Variants in PDZD8 observed in about 807,000 individuals in gnomAD.
PDZD8 encodes PDZ domain containing 8, also known as PDZ domain-containing protein 8.
Under a neutral mutation model 85.8 loss-of-function variants are expected in PDZD8, and 14 were observed. That is an observed-to-expected ratio of 0.16 (90% CI 0.11 to 0.26). The LOEUF (loss-of-function observed/expected upper bound fraction) is 0.26, where lower values mean the gene tolerates loss of function less well. Ranked by LOEUF, PDZD8 falls within the 10% of genes least tolerant of loss-of-function variation. The pLI is 1.00. For synonymous variants in PDZD8, 592 were observed against 568.6 expected (o/e 1.04, Z -0.59); for missense variants, 1,197 against 1,424.3 (o/e 0.84, Z 2.57).
chr10:117,360,085 G>A (rs1844970340), intron 1 of PDZD8, among the ~76,000 whole-genome samples: 1 of 152,040 alleles, frequency 6.6e-6, no homozygotes, highest in Admixed American at 6.6e-5. Flanking sequence ...GAATGATCAA[G>A]GTCCAAAATG....
intron 3 of PDZD8, among the ~76,000 whole-genome samples, chr10:117,317,575 C>T (rs561275884): frequency 6.6e-6 from 1 of 152,066 alleles, no homozygotes; most frequent in Non-Finnish European, 1.5e-5. Context: ...CATATCTTTG[C>T]AAATATAATA....
At chr10:117,288,591 C>T (rs528579983) in intron 4 of PDZD8, among the ~76,000 whole-genome samples, 1 of 152,252 alleles carries the variant, frequency 6.6e-6, no homozygotes, top group Admixed American at 6.5e-5. Flanking sequence ...TCACTGCAAC[C>T]TCTGCCTCCC....
intron 3 of PDZD8, among the ~76,000 whole-genome samples, chr10:117,296,417 T>G (rs1843759374): frequency 6.6e-6 from 1 of 152,100 alleles, no homozygotes; most frequent in Admixed American, 6.6e-5. Flanking sequence ...ATTGTTGAGA[T>G]GACAGTTCTT....
chr10:117,366,829 C>T (rs1845098888), intron 1 of PDZD8, among the ~76,000 whole-genome samples: 1 of 152,178 alleles, frequency 6.6e-6, no homozygotes, highest in Non-Finnish European at 1.5e-5. Context: ...ATTTCCACAT[C>T]TGTAAAACTG....
intron 1 of PDZD8, among the ~76,000 whole-genome samples, chr10:117,355,147 G>C (rs1424687501): frequency 2.0e-5 from 3 of 152,008 alleles, no homozygotes; most frequent in Non-Finnish European, 4.4e-5. Flanking sequence ...CATACACAAG[G>C]CTCCTCTATA....
intron 1 of PDZD8, among the ~76,000 whole-genome samples, chr10:117,365,135 G>T (rs967174599): frequency 8.1e-5 from 12 of 148,060 alleles, no homozygotes; most frequent in African/African-American, 2.7e-4. Context: ...AAAAAAAAAT[G>T]GCCAAAAATA....
At chr10:117,340,443 T>C (rs1320193912) in intron 2 of PDZD8, among the ~76,000 whole-genome samples, 4 of 152,192 alleles carry the variant, frequency 2.6e-5, no homozygotes, top group African/African-American at 9.7e-5. Context: ...TTAGGTCGGT[T>C]TAGCCAAAAT....
At chr10:117,327,081 C>T (rs1022603413) in intron 2 of PDZD8, among the ~76,000 whole-genome samples, 3 of 152,112 alleles carry the variant, frequency 2.0e-5, no homozygotes, top group South Asian at 2.1e-4. Flanking sequence ...TGCAGCCATC[C>T]GTGAAACGTC....
intron 1 of PDZD8, among the ~76,000 whole-genome samples, chr10:117,360,446 C>T (rs1487769137): frequency 6.6e-6 from 1 of 152,080 alleles, no homozygotes; most frequent in African/African-American, 2.4e-5. Context: ...CTGTTCTTCT[C>T]TACCAGCCCC....
At chr10:117,316,490 T>C (rs1018356195) in intron 3 of PDZD8, among the ~76,000 whole-genome samples, 2 of 151,952 alleles carry the variant, frequency 1.3e-5, no homozygotes, top group African/African-American at 2.4e-5. Flanking sequence ...CTGGCTAAGA[T>C]AGAAAGACCC....
At chr10:117,320,472 T>G (rs537500326) in intron 2 of PDZD8, among the ~76,000 whole-genome samples, 180 of 152,114 alleles carry the variant, frequency 1.2e-3, no homozygotes, top group Middle Eastern at 3.4e-3. Flanking sequence ...TAATAAAAAA[T>G]TTAACAAAAA....
At chr10:117,337,143 G>A (rs1844529639) in intron 2 of PDZD8, among the ~76,000 whole-genome samples, 1 of 151,006 alleles carries the variant, frequency 6.6e-6, no homozygotes, top group Non-Finnish European at 1.5e-5. Context: ...TGTTGTCTTA[G>A]CTGCCAGAAA....
chr10:117,373,365 T>A (rs1845225690), intron 1 of PDZD8, among the ~76,000 whole-genome samples: 1 of 152,124 alleles, frequency 6.6e-6, no homozygotes, highest in African/African-American at 2.4e-5. Flanking sequence ...AGAGTCTGGA[T>A]CTGTGTTCTA....
At chr10:117,307,128 G>C (rs564508668) in intron 3 of PDZD8, among the ~76,000 whole-genome samples, 9 of 152,176 alleles carry the variant, frequency 5.9e-5, no homozygotes, top group Middle Eastern at 3.4e-3. Context: ...AAGCATATTC[G>C]TATGTGAGCA....
chr10:117,344,679 G>T (rs981999091), intron 1 of PDZD8, among the ~76,000 whole-genome samples: 1 of 152,122 alleles, frequency 6.6e-6, no homozygotes, highest in Non-Finnish European at 1.5e-5. Context: ...GAGCCACCAC[G>T]CCCGGCCACT....
At chr10:117,341,137 T>A in intron 1 of PDZD8, 35 bp from the exon 2 acceptor site, 1 of 1,600,092 alleles carries the variant, frequency 6.2e-7, no homozygotes, top group Non-Finnish European at 8.6e-7. Flanking sequence ...AATGTCTGAA[T>A]AATAAACACC....
At position 117,278,860 on chromosome 10, in the gene PDZD8, C is replaced by T. The variant is rs363236; in HGVS notation, c.*4408G>A. 116,897 of 152,130 alleles carry T rather than the reference C, an allele frequency of 0.77. 45,576 individuals are homozygous for T. The highest frequency in any genetic ancestry group is 0.85 in the Non-Finnish European group (57,772 of 68,028). The allele number at this position is 152,130 out of a possible 1,614,324, so 9.4% of individuals were successfully genotyped here. On this transcript the variant is annotated 3_prime_UTR_variant, in exon 5 of 5. Coordinates refer to ENST00000334464, the MANE Select transcript of PDZD8 (RefSeq NM_173791.5). ...CATTGGGCAACTTGGCCAAGTCTGC[C>T]ACTTTGGAAGATGGCTCTGGAGGAA... is the stretch of plus-strand genomic sequence containing the variant.
intron 1 of PDZD8, among the ~76,000 whole-genome samples, chr10:117,370,341 G>A: frequency 6.6e-6 from 1 of 152,160 alleles, no homozygotes; most frequent in Admixed American, 6.5e-5. Flanking sequence ...GCATCTCTAG[G>A]TGAAACATCA....
Position 117,277,333 on chromosome 10 carries a change from A to C in PDZD8, c.*5935T>G. The stretch of plus-strand genomic sequence containing the variant: ...AACAGTGTTTCCAGTGACACAACTC[A>C]TCCAGAACTGTCTTAGTCATACCAT... On this transcript the variant is annotated 3_prime_UTR_variant, in exon 5 of 5. Coordinates refer to ENST00000334464, the MANE Select transcript of PDZD8 (RefSeq NM_173791.5). 2.0e-5 allele frequency: 19 copies of C among 956,382 alleles called. No individual in the cohort carries two copies. The highest frequency in any genetic ancestry group is 2.9e-5 in the Non-Finnish European group (18 of 615,364). 59.2% of individuals were successfully genotyped at this position (956,382 alleles called of 1,614,324 possible).
Sources: allele counts gnomAD v4.1 joint callset (sites outside exome capture counted in the v4.1 genomes callset), GRCh38; gene constraint gnomAD v4.1.1; transcripts MANE v1.5; gene names NCBI Gene and HGNC (gene_info 2026-07-23, HGNC 2026-07-21).